BLTP3B: variants seen among roughly 807,000 people sequenced by gnomAD.
BLTP3B encodes the protein UHRF1 (ICBP90) binding protein 1-like.
the BLTP3B span, among the ~76,000 whole-genome samples, chr12:100,062,797 A>C: frequency 3.3e-5 from 5 of 152,054 alleles, no homozygotes. Flanking sequence ...TCTTGTATCT[A>C]CAAAAAATTT....
chr12:100,141,996 G>A, the BLTP3B span, among the ~76,000 whole-genome samples: 6 of 152,094 alleles, frequency 3.9e-5, no homozygotes, highest in African/African-American at 1.4e-4. Flanking sequence ...CCAAAGCTGC[G>A]AACTCTGCTT....
At chr12:100,102,110 C>CTTTTTTTT in the BLTP3B span, among the ~76,000 whole-genome samples, 64 of 135,086 alleles carry the variant, frequency 4.7e-4, no homozygotes, top group African/African-American at 1.6e-3. Flanking sequence ...CAACTTAACT[C>CTTTTTTTT]TTTTTTTTTT....
the BLTP3B span, among the ~76,000 whole-genome samples, chr12:100,060,811 T>G: frequency 6.6e-6 from 1 of 152,190 alleles, no homozygotes; most frequent in African/African-American, 2.4e-5. Context: ...TTCAGACATA[T>G]TTATTCCTAC....
the BLTP3B span, among the ~76,000 whole-genome samples, chr12:100,120,229 T>A: frequency 1.3e-5 from 2 of 151,770 alleles, no homozygotes; most frequent in African/African-American, 4.8e-5. Flanking sequence ...ATACAAAAAT[T>A]AGCTGAGCGT....
the BLTP3B span, among the ~76,000 whole-genome samples, chr12:100,122,939 C>T: frequency 1.3e-5 from 2 of 152,144 alleles, no homozygotes; most frequent in Non-Finnish European, 2.9e-5. Context: ...GCTTTTCACC[C>T]TCTCATCCTT....
the BLTP3B span, among the ~76,000 whole-genome samples, chr12:100,082,216 A>G: frequency 2.6e-5 from 4 of 152,140 alleles, no homozygotes; most frequent in Non-Finnish European, 4.4e-5. Context: ...TTCTTTTGAG[A>G]AGTGTGTGTT....
At chr12:100,104,045 A>G in the BLTP3B span, 1 of 815,518 alleles carries the variant, frequency 1.2e-6, no homozygotes, top group South Asian at 2.4e-5. Context: ...TATAGGACAG[A>G]CACACCAAAT....
At chr12:100,086,976 T>A in the BLTP3B span, among the ~76,000 whole-genome samples, 1 of 151,864 alleles carries the variant, frequency 6.6e-6, no homozygotes, top group African/African-American at 2.4e-5. Flanking sequence ...CTGGCCAACA[T>A]AGTGAAACTC....
chr12:100,046,572 G>A, the BLTP3B span, among the ~76,000 whole-genome samples: 454 of 137,182 alleles, frequency 3.3e-3, 2 homozygotes, highest in African/African-American at 0.012. Context: ...ACCAGGGCCT[G>A]TTGGGAGGTG....
At chr12:100,070,117 G>T in the BLTP3B span, 1 of 1,526,344 alleles carries the variant, frequency 6.6e-7, no homozygotes, top group Middle Eastern at 1.7e-4. Flanking sequence ...GAGATGCAGA[G>T]CAGATGTCTT....
the BLTP3B span, chr12:100,059,081 T>C: frequency 6.2e-7 from 1 of 1,614,134 alleles, no homozygotes. Flanking sequence ...CTGCATATCT[T>C]GTTGGTTGAC....
At chr12:100,072,762 T>C in the BLTP3B span, 4 of 1,607,676 alleles carry the variant, frequency 2.5e-6, no homozygotes, top group Non-Finnish European at 3.4e-6. Flanking sequence ...GATTTTTTAT[T>C]GCAGCAAATC....
chr12:100,064,767 C>G, the BLTP3B span, among the ~76,000 whole-genome samples: 1 of 151,810 alleles, frequency 6.6e-6, no homozygotes, highest in Non-Finnish European at 1.5e-5. Flanking sequence ...CAAGCCACCA[C>G]TACGAGAACT....
At chr12:100,080,460 T>A in the BLTP3B span, among the ~76,000 whole-genome samples, 1 of 152,052 alleles carries the variant, frequency 6.6e-6, no homozygotes, top group Non-Finnish European at 1.5e-5. Context: ...ACCCACCTCT[T>A]AACATCAGCG....
the BLTP3B span, chr12:100,104,023 G>C: frequency 8.7e-7 from 1 of 1,150,542 alleles, no homozygotes; most frequent in Non-Finnish European, 1.3e-6. Context: ...ATCAATACAG[G>C]TGTTATATTA....
the BLTP3B span, among the ~76,000 whole-genome samples, chr12:100,081,633 G>A: frequency 0.015 from 2,343 of 152,248 alleles, 61 homozygotes; most frequent in African/African-American, 0.053. Flanking sequence ...TGCACTCAAT[G>A]TGTAGCTCCC....
At chr12:100,111,611 GT>G in the BLTP3B span, among the ~76,000 whole-genome samples, 3 of 151,154 alleles carry the variant, frequency 2.0e-5, no homozygotes, top group Non-Finnish European at 3.0e-5. Context: ...TTGTTTGTTT[GT>G]TTTGTTTTGT....
the BLTP3B span, chr12:100,039,921 G>A: frequency 1.5e-6 from 1 of 688,070 alleles, no homozygotes; most frequent in Non-Finnish European, 2.1e-6. Flanking sequence ...GTATGAGATA[G>A]AACAACCAGT....
the BLTP3B span, chr12:100,098,454 A>G: frequency 1.2e-6 from 2 of 1,614,134 alleles, no homozygotes; most frequent in South Asian, 2.2e-5. Context: ...CAAATGATGC[A>G]TTGAAGGCTT....
Sources: allele counts gnomAD v4.1 joint callset (sites outside exome capture counted in the v4.1 genomes callset), GRCh38; gene constraint gnomAD v4.1.1; transcripts MANE v1.5; gene names NCBI Gene and HGNC (gene_info 2026-07-23, HGNC 2026-07-21).